Variants in BMX observed in about 807,000 individuals in gnomAD.
BMX encodes the protein BMX non-receptor tyrosine kinase.
BMX carries 31 observed loss-of-function variants against 59.2 expected under a neutral mutation model. The observed-to-expected ratio is 0.52, with a 90% CI of 0.39 to 0.71. The LOEUF is 0.71. Among genes scored for constraint, BMX ranks in the 30% least tolerant of loss-of-function variants. The probability of loss-of-function intolerance (pLI) is 0.00; values close to 1 mark genes in which losing one functional copy is unlikely to be tolerated. For synonymous variants in BMX, 185 were observed against 181.0 expected, an observed-to-expected ratio of 1.02 and a Z score of -0.18; for missense variants, 474 against 491.7, an observed-to-expected ratio of 0.96 and a Z score of 0.34.
intron 16 of BMX, among the ~76,000 whole-genome samples, chrX:15,546,027 G>T (rs1285582740): frequency 8.9e-6 from 1 of 112,385 alleles, no homozygotes; most frequent in Non-Finnish European, 1.9e-5. Context: ...TATACCATGA[G>T]CACCTTTTTA....
intron 3 of BMX, among the ~76,000 whole-genome samples, chrX:15,510,373 C>T (rs73635805): frequency 0.09 from 9,999 of 111,239 alleles, 1,072 homozygotes; most frequent in African/African-American, 0.3. Context: ...CCATACTTCC[C>T]ATTTGGAAAA....
intron 1 of BMX, among the ~76,000 whole-genome samples, chrX:15,502,122 G>A (rs1292499299): frequency 1.8e-5 from 2 of 111,391 alleles, no homozygotes; most frequent in Non-Finnish European, 3.8e-5. Flanking sequence ...GTAACCCTTC[G>A]AAGTGGTTAT....
intron 1 of BMX, 59 bp downstream of exon 1, chrX:15,500,999 G>A (rs1923552567): frequency 2.7e-6 from 2 of 745,109 alleles, no homozygotes; most frequent in Non-Finnish European, 3.2e-6. Flanking sequence ...AATAGGTTTG[G>A]TTCCCGGTGT....
At chrX:15,527,283 T>TATATACAC (rs1285065649) in intron 9 of BMX, among the ~76,000 whole-genome samples, 57 of 65,824 alleles carry the variant, frequency 8.7e-4, no homozygotes, top group East Asian at 1.6e-3. Flanking sequence ...TATATATATA[T>TATATACAC]ACACACACAC....
intron 6 of BMX, among the ~76,000 whole-genome samples, chrX:15,520,868 G>A (rs1253928921): frequency 9.1e-6 from 1 of 110,394 alleles, no homozygotes; most frequent in African/African-American, 3.3e-5. Context: ...ATTTTTCTTT[G>A]GACATAACCC....
intron 12 of BMX, among the ~76,000 whole-genome samples, chrX:15,535,405 T>C (rs918060213): frequency 2.7e-5 from 3 of 111,818 alleles, no homozygotes; most frequent in Non-Finnish European, 5.6e-5. Flanking sequence ...TGGCTCTTAC[T>C]GATGTTTTTC....
intron 1 of BMX, chrX:15,507,216 CAG>C: frequency 2.3e-6 from 1 of 441,802 alleles, no homozygotes; most frequent in Non-Finnish European, 2.8e-6. Flanking sequence ...TCCATGCAGA[CAG>C]AGCAATGCCT....
In BMX at chrX:15,530,031, A is replaced by G. The variant is rs1187727073; in HGVS notation, c.939+4A>G. The G allele has an allele frequency of 8.3e-7, 1 of 1,202,698 alleles. No homozygotes were observed. The highest frequency in any genetic ancestry group is 2.2e-5 in the Admixed American group (1 of 45,948). On this transcript the variant is annotated splice_donor_region_variant and intron_variant, in intron 10 of 18. Transcript: ENST00000348343. ...TGAACAGTTACTCAGACAAAAGGTAAATAGTCTTGTCTTTAAAACAGCCTC... is the reference window on the plus strand; with the variant it reads ...TGAACAGTTACTCAGACAAAAGGTAGATAGTCTTGTCTTTAAAACAGCCTC...
rs778232922 is a variant in BMX, at chrX:15,538,513, T to C, written c.1394+1208T>C. Among the ~76,000 whole-genome samples the C allele has an allele frequency of 8.0e-5, 9 of 112,224 alleles. No individual in the cohort carries two copies. The South Asian group carries it at 3.3e-3, about 41-fold the overall frequency. On this transcript the variant is annotated intron_variant, in intron 14 of 18. Transcript: ENST00000348343. ...GAGATTGAGAGCACTTTTTAAATTT[T>C]TACTTAAACAGTTATACTGTACAGT... is the stretch of plus-strand genomic sequence containing the variant.
At chrX:15,502,639 T>C (rs770104660) in intron 1 of BMX, among the ~76,000 whole-genome samples, 1 of 112,184 alleles carries the variant, frequency 8.9e-6, no homozygotes, top group Admixed American at 9.4e-5. Flanking sequence ...CAAGATCAAC[T>C]TTAACTTTCC....
intron 2 of BMX, 32 bp downstream of exon 2, chrX:15,508,523 C>T: frequency 2.8e-6 from 3 of 1,085,646 alleles, no homozygotes; most frequent in Non-Finnish European, 3.7e-6. Context: ...TATTTTTATA[C>T]TATTTATTAT....
At position 15,556,411 on chromosome X, in the gene BMX, A is replaced by G; in HGVS notation, c.*264A>G. Reference sequence around the variant, plus strand: ...CACATTTTCAGACTGCAATATAGAGACTGTGTTCATGTGTAAAGACTGAGC... The same window carrying G: ...CACATTTTCAGACTGCAATATAGAGGCTGTGTTCATGTGTAAAGACTGAGC... On this transcript the variant is annotated 3_prime_UTR_variant, in exon 19 of 19. Coordinates refer to ENST00000348343, the MANE Select transcript of BMX (RefSeq NM_203281.3). 1 of 241,572 alleles carries G rather than the reference A, an allele frequency of 4.1e-6. No homozygotes were observed. The highest frequency in any genetic ancestry group is 1.7e-4 in the South Asian group (1 of 5,947). The allele number at this position is 241,572 out of a possible 1,213,427, so 19.9% of individuals were successfully genotyped here.
rs752370479 is a variant in BMX at position 15,549,994 on chromosome X, C to A, written c.1950C>A (p.His650Gln). 4 of 1,201,204 alleles carry A rather than the reference C, an allele frequency of 3.3e-6. No homozygotes were observed. Among genetic ancestry groups the A allele is most frequent in the South Asian group, 1.8e-5 (1 of 55,076 alleles). The part of the protein sequence containing the change: ...TIYQIMYSCW[H>Q]ELPEKRPTFQ... ...ACCAGATCATGTACAGCTGCTGGCA[C>A]GAGGCAAGTGTATTCTCTGGGTGGG... is the stretch of plus-strand genomic sequence containing the variant. The change falls in exon 18 of 19, where the codon CAC becomes CAA. Residue 650 changes from histidine (H) to glutamine (Q), a missense_variant. Coordinates refer to ENST00000348343, the MANE Select transcript of BMX (RefSeq NM_203281.3).
At position 15,529,989 on chromosome X, in the gene BMX, A is replaced by G; in HGVS notation, c.901A>G (p.Ile301Val). ...CTTTTGCAGCTGGTTTGCTGGTAAC[A>G]TCTCCAGATCACAATCTGAACAGTT... ...LDDYDWFAGN[I>V]SRSQSEQLLR... Residue 301 changes from isoleucine to valine, a missense_variant, in exon 10 of 19, where the codon ATC becomes GTC. Ile to Val is a conservative substitution (Grantham distance 29). Transcript: ENST00000348343. The G allele has an allele frequency of 8.3e-7, 1 of 1,209,707 alleles. No homozygotes were observed. Among genetic ancestry groups the G allele is most frequent in the Non-Finnish European group, 1.1e-6 (1 of 893,898 alleles).
intron 14 of BMX, 75 bp downstream of exon 14, chrX:15,537,380 C>T (rs1359197225): frequency 1.7e-5 from 18 of 1,076,059 alleles, no homozygotes; most frequent in Non-Finnish European, 2.2e-5. Context: ...CTGCTGTTAA[C>T]TTTGCAAGGC....
chrX:15,525,425 A>T, intron 8 of BMX, 60 bp downstream of exon 8: 1 of 1,078,288 alleles, frequency 9.3e-7, no homozygotes, highest in Non-Finnish European at 1.3e-6. Context: ...AGGAAAACTA[A>T]CCAAACTTGC....
At chrX:15,537,442 T>A in intron 14 of BMX, 137 bp downstream of exon 14, 1 of 639,635 alleles carries the variant, frequency 1.6e-6, no homozygotes, top group Non-Finnish European at 2.3e-6. Context: ...TTAGAAGTTA[T>A]AAATTGAACT....
intron 10 of BMX, 149 bp from the exon 11 acceptor site, chrX:15,531,179 C>G (rs1925054915): frequency 4.2e-6 from 2 of 472,345 alleles, no homozygotes; most frequent in South Asian, 3.3e-5. Flanking sequence ...TAGAGCAGAT[C>G]TATAAAGAGA....
At chrX:15,529,101 G>A (rs1039001464) in intron 9 of BMX, among the ~76,000 whole-genome samples, 3 of 111,692 alleles carry the variant, frequency 2.7e-5, no homozygotes, top group African/African-American at 9.8e-5. Context: ...AGGCCAAGTG[G>A]CTTGTTCAAA....
Sources: gnomAD v4.1 joint callset for allele counts (sites outside exome capture counted in the v4.1 genomes callset) on GRCh38, gnomAD v4.1.1 for gene constraint, MANE v1.5 for transcripts, NCBI Gene and HGNC (gene_info 2026-07-23, HGNC 2026-07-21) for gene names.